Variants in WWOX observed in about 807,000 individuals in gnomAD.
WWOX encodes WW domain containing oxidoreductase.
WWOX carries 69 observed loss-of-function variants against 46.2 expected under a neutral mutation model. That is an observed-to-expected ratio of 1.49 (90% CI 1.23 to 1.82). The LOEUF (loss-of-function observed/expected upper bound fraction) is 1.82. Ranked by LOEUF, WWOX falls within the 40% of genes most tolerant of loss-of-function variation. The probability of loss-of-function intolerance (pLI) is 0.00; values close to 1 mark genes in which losing one functional copy is unlikely to be tolerated. For missense variants in WWOX, 919 were observed against 542.6 expected (o/e 1.69, Z -6.89); for synonymous variants, 359 against 202.6 (o/e 1.77, Z -6.56).
intron 4 of WWOX, among the ~76,000 whole-genome samples, chr16:78,147,675 CTTTT>C (rs33931881): frequency 1.3e-4 from 12 of 90,638 alleles, no homozygotes; most frequent in African/African-American, 3.2e-4. Context: ...TTCTTTCTTC[CTTTT>C]TTTTTTTTTT....
chr16:78,359,894 T>A (rs2081373559), intron 5 of WWOX, among the ~76,000 whole-genome samples: 1 of 152,356 alleles, frequency 6.6e-6, no homozygotes, highest in East Asian at 1.9e-4. Context: ...GAATGAATTT[T>A]GTGACTTGGA....
intron 8 of WWOX, among the ~76,000 whole-genome samples, chr16:78,719,061 T>A (rs995216610): frequency 6.6e-6 from 1 of 152,156 alleles, no homozygotes. Flanking sequence ...CCAACAGAGC[T>A]AAAGGGTATT....
At chr16:78,626,880 T>A (rs1295635834) in intron 8 of WWOX, among the ~76,000 whole-genome samples, 1 of 152,234 alleles carries the variant, frequency 6.6e-6, no homozygotes, top group Non-Finnish European at 1.5e-5. Flanking sequence ...TTTATTTATT[T>A]TGTTGCTTAA....
intron 8 of WWOX, among the ~76,000 whole-genome samples, chr16:78,512,731 C>T (rs1317222904): frequency 1.3e-5 from 2 of 152,208 alleles, no homozygotes; most frequent in Non-Finnish European, 2.9e-5. Context: ...TTCACAAGTA[C>T]TTGCACTAGT....
At chr16:78,295,209 G>C (rs1316571975) in intron 5 of WWOX, among the ~76,000 whole-genome samples, 1 of 152,210 alleles carries the variant, frequency 6.6e-6, no homozygotes, top group East Asian at 1.9e-4. Context: ...CTGCAGATCA[G>C]ATGTGTTAGA....
At chr16:78,707,840 T>TATAAATAA (rs10582418) in intron 8 of WWOX, among the ~76,000 whole-genome samples, 168 of 143,856 alleles carry the variant, frequency 1.2e-3, no homozygotes, top group African/African-American at 2.7e-3. Context: ...GTCTCAAAAA[T>TATAAATAA]ATAAATAAAT....
At chr16:78,382,464 C>G (rs1305529094) in intron 5 of WWOX, among the ~76,000 whole-genome samples, 3 of 152,144 alleles carry the variant, frequency 2.0e-5, no homozygotes, top group Non-Finnish European at 4.4e-5. Context: ...GTGAGCAAGT[C>G]ATAATTCTGG....
At chr16:78,877,558 C>G (rs2044259589) in intron 8 of WWOX, among the ~76,000 whole-genome samples, 1 of 152,218 alleles carries the variant, frequency 6.6e-6, no homozygotes, top group African/African-American at 2.4e-5. Flanking sequence ...TCTTCCTTTT[C>G]CTGCTTTGTA....
chr16:78,824,822 G>A (rs569185589), intron 8 of WWOX, among the ~76,000 whole-genome samples: 1 of 152,214 alleles, frequency 6.6e-6, no homozygotes, highest in South Asian at 2.1e-4. Flanking sequence ...GTTGAGATTT[G>A]GGTGGAGACA....
At chr16:78,188,602 C>T (rs956633457) in intron 5 of WWOX, among the ~76,000 whole-genome samples, 2 of 151,852 alleles carry the variant, frequency 1.3e-5, no homozygotes, top group Non-Finnish European at 2.9e-5. Flanking sequence ...AATAGTAGGA[C>T]CATCATTTAG....
intron 8 of WWOX, among the ~76,000 whole-genome samples, chr16:78,661,226 G>A (rs916030182): frequency 4.6e-5 from 7 of 152,086 alleles, no homozygotes; most frequent in South Asian, 2.1e-4. Context: ...GAATGCCTGT[G>A]GCCCCCCAGA....
intron 5 of WWOX, among the ~76,000 whole-genome samples, chr16:78,176,864 A>T (rs544338979): frequency 6.6e-6 from 1 of 152,220 alleles, no homozygotes; most frequent in Non-Finnish European, 1.5e-5. Context: ...GAAGGATAGG[A>T]TGCATTTGCA....
chr16:78,613,728 C>G (rs1380109567), intron 8 of WWOX, among the ~76,000 whole-genome samples: 1 of 152,304 alleles, frequency 6.6e-6, no homozygotes, highest in Non-Finnish European at 1.5e-5. Flanking sequence ...AACGAACTTT[C>G]CAGCCGAGAA....
chr16:79,135,342 G>T (rs1377476332), intron 8 of WWOX, among the ~76,000 whole-genome samples: 2 of 151,732 alleles, frequency 1.3e-5, no homozygotes, highest in African/African-American at 2.4e-5. Context: ...ATAATTTTAT[G>T]GATTACATTT....
chr16:79,040,510 A>C (rs915098653), intron 8 of WWOX, among the ~76,000 whole-genome samples: 1 of 152,118 alleles, frequency 6.6e-6, no homozygotes, highest in African/African-American at 2.4e-5. Context: ...TCCTGAGCTC[A>C]GGTGATCTAC....
chr16:78,531,109 A>C (rs2257074), intron 8 of WWOX, among the ~76,000 whole-genome samples: 1 of 152,080 alleles, frequency 6.6e-6, no homozygotes, highest in Non-Finnish European at 1.5e-5. Context: ...TTTGCATTTC[A>C]TGAGTCTTGG....
intron 8 of WWOX, among the ~76,000 whole-genome samples, chr16:78,709,249 G>A (rs1048739825): frequency 2.0e-5 from 3 of 152,150 alleles, no homozygotes; most frequent in Non-Finnish European, 2.9e-5. Flanking sequence ...CTTTTATCCC[G>A]TAATCTCTGC....
intron 8 of WWOX, among the ~76,000 whole-genome samples, chr16:78,760,033 C>G (rs1277477390): frequency 6.6e-6 from 1 of 152,150 alleles, no homozygotes; most frequent in Non-Finnish European, 1.5e-5. Flanking sequence ...ATGTATTTGT[C>G]TGTGTTCACA....
intron 8 of WWOX, among the ~76,000 whole-genome samples, chr16:78,908,960 T>G (rs566186885): frequency 3.3e-5 from 5 of 152,234 alleles, no homozygotes; most frequent in Non-Finnish European, 7.3e-5. Flanking sequence ...ATCTTGTGGC[T>G]AATTTGTTAG....
Sources: allele counts gnomAD v4.1 joint callset (sites outside exome capture counted in the v4.1 genomes callset), GRCh38; gene constraint gnomAD v4.1.1; transcripts MANE v1.5; gene names NCBI Gene and HGNC (gene_info 2026-07-23, HGNC 2026-07-21).